The following TICRR variants were observed in gnomAD, a reference collection of about 807,000 sequenced individuals.
The protein encoded by TICRR is TOPBP1 interacting checkpoint and replication regulator, also known as treslin.
Under a neutral mutation model 178.1 loss-of-function variants are expected in TICRR, and 132 were observed. That is an observed-to-expected ratio of 0.74 (90% confidence interval 0.64 to 0.86). TICRR has a LOEUF of 0.86. TICRR is among the 40% of genes least tolerant of loss of function. TICRR has a pLI of 0.00. For synonymous variants in TICRR, 991 were observed against 900.7 expected (o/e 1.10, Z -1.79); for missense variants, 2,587 against 2,334.3 (o/e 1.11, Z -2.23).
chr15:89,617,100 C>A (rs986694597), intron 16 of TICRR, among the ~76,000 whole-genome samples: 2 of 152,152 alleles, frequency 1.3e-5, no homozygotes, highest in African/African-American at 4.8e-5. Context: ...TCCCAAAGTC[C>A]CCAGCCAGGC....
At position 89,576,156 on chromosome 15, in the gene TICRR, G is replaced by A. The variant is rs753401897; in HGVS notation, c.570G>A (p.Glu190=). 1 of 1,606,080 alleles carries A rather than the reference G, an allele frequency of 6.2e-7. No individual in the cohort carries two copies. Among genetic ancestry groups the A allele is most frequent in the East Asian group, 2.2e-5 (1 of 44,860 alleles). ...RLPPTPKQVM[E]KLLPKRVREV... is the part of the protein sequence containing the mutation. ...CGCCCACCCCTAAGCAGGTGATGGA[G>A]AAGTTGTTGCCCAAGAGAGTCCGGG... Residue 190 remains glutamate, a synonymous_variant, in exon 1 of 22, where the codon GAG becomes GAA. Coordinates refer to ENST00000268138, the MANE Select transcript of TICRR (RefSeq NM_152259.4).
chr15:89,592,255 A>G, intron 5 of TICRR, 79 bp downstream of exon 5: 3 of 1,258,862 alleles, frequency 2.4e-6, no homozygotes, highest in Non-Finnish European at 3.4e-6. Flanking sequence ...TTAACAGACC[A>G]CATTCTCTGA....
At position 89,624,231 on chromosome 15, in the gene TICRR, G is replaced by C. The variant is rs1161400448; in HGVS notation, c.3921G>C (p.Thr1307=). The part of the protein sequence containing the change: ...NSTVTSSPPV[T]PKKLFTSPLC... ...CTGTGACTTCTTCCCCACCTGTTAC[G>C]CCAAAGAAACTGTTTACCTCTCCTT... Residue 1307 remains threonine, a synonymous_variant, in exon 20 of 22, where the codon ACG becomes ACC. Coordinates refer to ENST00000268138, the MANE Select transcript of TICRR (RefSeq NM_152259.4). 2 of 1,614,106 alleles carry C rather than the reference G, an allele frequency of 1.2e-6. No homozygotes were observed. The highest frequency in any genetic ancestry group is 1.7e-6 in the Non-Finnish European group (2 of 1,180,026).
rs1200049139 is a variant in TICRR at position 89,624,923 on chromosome 15, C to T, written c.4613C>T (p.Ala1538Val). ...GATGGGAGACAGTGCCAGGCTTCGG[C>T]ACAACTAGACAACCTGCCAGCATCA... ...TTDGRQCQAS[A>V]QLDNLPASAW... Residue 1538 changes from alanine to valine, a missense_variant, in exon 20 of 22, where the codon GCA becomes GTA. Ala to Val is a moderately conservative substitution (Grantham distance 64, BLOSUM62 0). Transcript: ENST00000268138. 1.9e-6 allele frequency: 3 copies of T among 1,614,096 alleles called. No homozygotes were observed. The highest frequency in any genetic ancestry group is 2.5e-6 in the Non-Finnish European group (3 of 1,180,030).
intron 8 of TICRR, among the ~76,000 whole-genome samples, chr15:89,599,906 G>C (rs1318774800): frequency 6.6e-6 from 1 of 152,194 alleles, no homozygotes; most frequent in East Asian, 1.9e-4. Context: ...AGGAGTTTGA[G>C]ACCAGCCTGG....
chr15:89,594,475 A>G lies in TICRR; in HGVS notation c.1602A>G (p.Ile534Met). ...EESSKTEGEL[I>M]HCLAELYQRK... ...CTTCCAAAACTGAAGGCGAATTAATACATTGCCTTGCCGAGCTCTACCAGA... is the reference window on the plus strand; with the variant it reads ...CTTCCAAAACTGAAGGCGAATTAATGCATTGCCTTGCCGAGCTCTACCAGA... Residue 534 changes from isoleucine to methionine, a missense_variant, in exon 6 of 22, where the codon ATA (isoleucine) becomes ATG (methionine). Coordinates refer to ENST00000268138, the MANE Select transcript of TICRR (RefSeq NM_152259.4). The G allele has an allele frequency of 2.5e-6, 4 of 1,613,188 alleles. No individual in the cohort carries two copies. Among genetic ancestry groups the G allele is most frequent in the Non-Finnish European group, 3.4e-6 (4 of 1,179,616 alleles).
chr15:89,602,960 G>T (rs913437382), intron 13 of TICRR, 68 bp downstream of exon 13: 3 of 781,758 alleles, frequency 3.8e-6, no homozygotes, highest in African/African-American at 3.6e-5. Flanking sequence ...CCTACTTTTA[G>T]GAAAATGAAC....
chr15:89,576,587 G>A (rs776734169), intron 1 of TICRR, among the ~76,000 whole-genome samples: 1 of 151,972 alleles, frequency 6.6e-6, no homozygotes, highest in Non-Finnish European at 1.5e-5. Flanking sequence ...TGGAATGCCA[G>A]TTCTCACTCT....
rs762234007 is a variant in TICRR at position 89,623,891 on chromosome 15, G to C, written c.3581G>C (p.Arg1194Thr). Residue 1194 changes from arginine to threonine, a missense_variant, in exon 20 of 22, where the codon AGA (arginine) becomes ACA (threonine). Transcript: ENST00000268138. ...EGTSLETKTPRTPKRQGTQPP... is the reference protein window; with the variant it reads ...EGTSLETKTPTTPKRQGTQPP... ...ACCTCTCTTGAAACGAAGACACCAA[G>C]AACTCCTAAGAGGCAAGGTACTCAG... 1.2e-6 allele frequency: 2 copies of C among 1,613,792 alleles called. No individual in the cohort carries two copies. Among genetic ancestry groups the C allele is most frequent in the Non-Finnish European group, 1.7e-6 (2 of 1,180,016 alleles).
intron 16 of TICRR, among the ~76,000 whole-genome samples, chr15:89,617,207 C>T: frequency 6.6e-6 from 1 of 152,056 alleles, no homozygotes; most frequent in East Asian, 1.9e-4. Flanking sequence ...AGAAGCACAC[C>T]TCCTTCTATT....
chr15:89,612,188 G>T (rs1963265683), intron 15 of TICRR, among the ~76,000 whole-genome samples: 1 of 151,786 alleles, frequency 6.6e-6, no homozygotes, highest in Non-Finnish European at 1.5e-5. Context: ...TGAACTATTT[G>T]TGTAAAGTAT....
chr15:89,619,926 A>T (rs951207118), intron 18 of TICRR, 84 bp downstream of exon 18: 4 of 1,499,562 alleles, frequency 2.7e-6, no homozygotes. Flanking sequence ...GAAATTTGAC[A>T]TTTTCTTTCT....
chr15:89,614,232 G>C (rs1025597978), intron 15 of TICRR, among the ~76,000 whole-genome samples: 5 of 151,892 alleles, frequency 3.3e-5, no homozygotes, highest in Non-Finnish European at 5.9e-5. Flanking sequence ...GACAGATTCT[G>C]TTGGCTGATT....
At chr15:89,604,875 G>C (rs1362189741) in intron 13 of TICRR, among the ~76,000 whole-genome samples, 1 of 151,696 alleles carries the variant, frequency 6.6e-6, no homozygotes, top group Non-Finnish European at 1.5e-5. Context: ...TTAACTGAAA[G>C]GACCAGATGT....
intron 15 of TICRR, among the ~76,000 whole-genome samples, chr15:89,614,562 C>T (rs1207974725): frequency 6.6e-6 from 1 of 152,112 alleles, no homozygotes; most frequent in Non-Finnish European, 1.5e-5. Context: ...AACTTCTGGA[C>T]TCAAGCAGTC....
At chr15:89,578,164 T>C (rs1962658925) in intron 1 of TICRR, among the ~76,000 whole-genome samples, 1 of 152,134 alleles carries the variant, frequency 6.6e-6, no homozygotes, top group Non-Finnish European at 1.5e-5. Context: ...TTCTAATTAA[T>C]TAATGGGAAG....
intron 16 of TICRR, among the ~76,000 whole-genome samples, chr15:89,617,290 G>T (rs1409639739): frequency 6.6e-6 from 1 of 152,130 alleles, no homozygotes; most frequent in African/African-American, 2.4e-5. Flanking sequence ...GTTAAATTGC[G>T]AAAAGTGAAA....
At chr15:89,614,339 G>A (rs921947091) in intron 15 of TICRR, among the ~76,000 whole-genome samples, 19 of 147,674 alleles carry the variant, frequency 1.3e-4, no homozygotes, top group Middle Eastern at 3.4e-3. Context: ...TTTTGAGATG[G>A]AGTCTTGCTC....
intron 4 of TICRR, among the ~76,000 whole-genome samples, chr15:89,588,787 CGGT>C (rs1160606063): frequency 1.3e-5 from 2 of 152,074 alleles, no homozygotes; most frequent in Non-Finnish European, 2.9e-5. Flanking sequence ...GAGAGACTGA[CGGT>C]GGTGAGTCGG....
Sources: allele counts gnomAD v4.1 joint callset (sites outside exome capture counted in the v4.1 genomes callset), GRCh38; gene constraint gnomAD v4.1.1; transcripts MANE v1.5; gene names NCBI Gene and HGNC (gene_info 2026-07-23, HGNC 2026-07-21).